The following OIT3 variants were observed in gnomAD, a reference collection of about 807,000 sequenced individuals.
OIT3 encodes the protein oncoprotein-induced transcript 3 protein.
A neutral mutation model predicts 52.2 loss-of-function variants in OIT3; 41 were observed. The observed-to-expected ratio is 0.79, with a 90% CI of 0.61 to 1.02. OIT3 has a LOEUF of 1.02. Among genes scored for constraint, OIT3 ranks in the 50% least tolerant of loss-of-function variants. The pLI, the probability that OIT3 is intolerant of heterozygous loss-of-function variation, is 0.00. For synonymous variants in OIT3, 244 were observed against 276.9 expected, an observed-to-expected ratio of 0.88 and a Z score of 1.18; for missense variants, 634 against 715.5, an observed-to-expected ratio of 0.89 and a Z score of 1.30.
chr10:72,924,084 AAAAC>A, intron 6 of OIT3, 141 bp from the exon 7 acceptor site: 1 of 719,586 alleles, frequency 1.4e-6, no homozygotes, highest in Non-Finnish European at 2.2e-6. Flanking sequence ...GTGGGAAAAA[AAAAC>A]AAAACAAAAC....
At chr10:72,898,631 C>T (rs1355944801) in intron 1 of OIT3, 33 bp from the exon 2 acceptor site, 1 of 1,573,402 alleles carries the variant, frequency 6.4e-7, no homozygotes, top group South Asian at 1.2e-5. Context: ...CCGAAACACT[C>T]CAGGTACTCT....
chr10:72,899,014 G>T lies in OIT3; in HGVS notation c.412G>T (p.Val138Phe), dbSNP rs777881853. The T allele has an allele frequency of 1.9e-6, 3 of 1,611,324 alleles. No individual in the cohort carries two copies. In the South Asian group the frequency reaches 3.3e-5, roughly 18 times the overall value. Residue 138 changes from valine (V) to phenylalanine (F), a missense_variant, in exon 2 of 9, where the codon GTC becomes TTC. By Grantham distance (50) the Val-to-Phe change is conservative. Transcript: ENST00000334011. Reference protein sequence around the residue: ...YYVYRLTKPSVCFHVYCGHFY... With the variant: ...YYVYRLTKPSFCFHVYCGHFY... ...TGTGTATCGTCTGACCAAGCCCAGC[G>T]TCTGCTTCCACGTCTACTGTGGTCG... is the stretch of plus-strand genomic sequence containing the variant.
intron 6 of OIT3, among the ~76,000 whole-genome samples, chr10:72,921,704 G>A (rs941108036): frequency 7.2e-6 from 1 of 138,896 alleles, no homozygotes; most frequent in African/African-American, 2.7e-5. Context: ...AGACAGTCTT[G>A]CTCTGTCTCC....
At chr10:72,906,819 C>A (rs148362332) in intron 4 of OIT3, 101 bp downstream of exon 4, 2 of 1,156,454 alleles carry the variant, frequency 1.7e-6, no homozygotes, top group Admixed American at 5.3e-5. Context: ...AAGAGAGCAA[C>A]CGTTTGGCTG....
At chr10:72,917,251 A>G (rs1846080941) in intron 6 of OIT3, among the ~76,000 whole-genome samples, 3 of 151,472 alleles carry the variant, frequency 2.0e-5, no homozygotes, top group Admixed American at 6.6e-5. Context: ...TCTGTCTCCA[A>G]TGGTACTGCC....
In OIT3 at chr10:72,931,953, G is replaced by C. The variant is rs184088997; in HGVS notation, c.1468-401G>C. The stretch of plus-strand genomic sequence containing the variant: ...GGCAGTTACCTACAGAAAGGTGCTT[G>C]CAGAAAACACTGGTTATTTGACAGC... On this transcript the variant is annotated intron_variant, in intron 8 of 8. Coordinates refer to ENST00000334011, the MANE Select transcript of OIT3 (RefSeq NM_152635.3). Among the ~76,000 whole-genome samples, 438 of 152,324 alleles carry C rather than the reference G, an allele frequency of 2.9e-3. 3 individuals are homozygous for C. The highest frequency in any genetic ancestry group is 0.01 in the African/African-American group (420 of 41,576).
intron 3 of OIT3, among the ~76,000 whole-genome samples, chr10:72,906,139 A>T (rs1476394036): frequency 6.6e-6 from 1 of 152,210 alleles, no homozygotes; most frequent in African/African-American, 2.4e-5. Flanking sequence ...TTTGAGGGTA[A>T]TAGTTCATGT....
At chr10:72,901,782 GC>G (rs1168767507) in intron 3 of OIT3, among the ~76,000 whole-genome samples, 4 of 152,160 alleles carry the variant, frequency 2.6e-5, no homozygotes, top group African/African-American at 9.7e-5. Flanking sequence ...AATGGCTCAT[GC>G]CTGTAATCCC....
intron 8 of OIT3, among the ~76,000 whole-genome samples, chr10:72,931,304 A>C (rs1031458360): frequency 1.7e-4 from 26 of 152,316 alleles, no homozygotes; most frequent in African/African-American, 6.3e-4. Context: ...CAGCCTGGGC[A>C]ACATAGCAAG....
intron 7 of OIT3, among the ~76,000 whole-genome samples, chr10:72,927,579 C>T (rs1467840769): frequency 6.6e-6 from 1 of 152,156 alleles, no homozygotes; most frequent in African/African-American, 2.4e-5. Flanking sequence ...AGCAGTGTGG[C>T]CCTACTTTGT....
chr10:72,898,550 T>C, intron 1 of OIT3, 114 bp from the exon 2 acceptor site: 1 of 1,007,434 alleles, frequency 9.9e-7, no homozygotes, highest in Non-Finnish European at 1.5e-6. Context: ...CCTTAACTAA[T>C]TTCTCTCTGG....
intron 7 of OIT3, among the ~76,000 whole-genome samples, chr10:72,925,115 C>CAAAAAAAAAA (rs751143274): frequency 2.6e-4 from 10 of 38,014 alleles, no homozygotes; most frequent in Non-Finnish European, 5.9e-4. Context: ...CCTAAAATCT[C>CAAAAAAAAAA]AAAAAAAAAA....
At chr10:72,900,300 C>G in intron 2 of OIT3, 77 bp from the exon 3 acceptor site, 1 of 790,358 alleles carries the variant, frequency 1.3e-6, no homozygotes. Flanking sequence ...CCCGACCCCC[C>G]GCACCATCTC....
At chr10:72,925,898 T>C (rs1846165784) in intron 7 of OIT3, among the ~76,000 whole-genome samples, 2 of 152,228 alleles carry the variant, frequency 1.3e-5, no homozygotes, top group South Asian at 2.1e-4. Flanking sequence ...TGAGACACCA[T>C]GTTTGGCCCC....
intron 1 of OIT3, among the ~76,000 whole-genome samples, chr10:72,894,332 G>A (rs1222183249): frequency 4.6e-5 from 7 of 152,166 alleles, no homozygotes; most frequent in Admixed American, 4.6e-4. Context: ...CAGATCGAGT[G>A]AATCTTAAAT....
intron 8 of OIT3, among the ~76,000 whole-genome samples, chr10:72,931,104 TAC>T (rs948957985): frequency 6.6e-6 from 1 of 151,576 alleles, no homozygotes; most frequent in Non-Finnish European, 1.5e-5. Context: ...ATACAACACT[TAC>T]AAGGTTATAG....
chr10:72,923,716 C>T (rs148574394), intron 6 of OIT3, among the ~76,000 whole-genome samples: 1 of 152,308 alleles, frequency 6.6e-6, no homozygotes, highest in African/African-American at 2.4e-5. Flanking sequence ...CCAGGAGAAA[C>T]AGGATCGAGG....
At chr10:72,901,802 G>T (rs1333404346) in intron 3 of OIT3, among the ~76,000 whole-genome samples, 2 of 152,146 alleles carry the variant, frequency 1.3e-5, no homozygotes, top group African/African-American at 4.8e-5. Context: ...CCAGCGCTTT[G>T]AGAGGACGAA....
chr10:72,908,755 A>T (rs11000444), intron 4 of OIT3, among the ~76,000 whole-genome samples: 1 of 151,870 alleles, frequency 6.6e-6, no homozygotes. Flanking sequence ...AATCTTAAAA[A>T]CTAATAACCA....
Sources: allele counts gnomAD v4.1 joint callset (sites outside exome capture counted in the v4.1 genomes callset), GRCh38; gene constraint gnomAD v4.1.1; transcripts MANE v1.5; gene names NCBI Gene and HGNC (gene_info 2026-07-23, HGNC 2026-07-21).